Variants in DLC1 observed in about 807,000 individuals in gnomAD.
The protein encoded by DLC1 is DLC1 Rho GTPase activating protein.
In DLC1, 54 loss-of-function variants were observed where a neutral mutation model predicts 140.3. The ratio of observed to expected loss-of-function variants is 0.38; its 90% CI spans 0.31 to 0.48. DLC1 has a LOEUF of 0.48. Ranked by LOEUF, DLC1 falls within the 20% of genes least tolerant of loss-of-function variation. The pLI, the probability that DLC1 is intolerant of heterozygous loss-of-function variation, is 0.96. For missense variants in DLC1, 2,536 were observed against 1,907.0 expected, an observed-to-expected ratio of 1.33 and a Z score of -6.14; for synonymous variants, 986 against 728.1, an observed-to-expected ratio of 1.35 and a Z score of -5.70.
intron 2 of DLC1, among the ~76,000 whole-genome samples, chr8:13,487,382 T>G (rs1801016021): frequency 6.6e-6 from 1 of 152,166 alleles, no homozygotes; most frequent in Non-Finnish European, 1.5e-5. Flanking sequence ...CAATGAATTT[T>G]GTGCCCTAAA....
At chr8:13,207,119 A>G (rs1482195598) in intron 5 of DLC1, among the ~76,000 whole-genome samples, 2 of 152,214 alleles carry the variant, frequency 1.3e-5, no homozygotes, top group South Asian at 2.1e-4. Context: ...ATGTGTATTT[A>G]CTACCTATTA....
At chr8:13,295,754 T>G (rs2117479655) in intron 5 of DLC1, among the ~76,000 whole-genome samples, 1 of 152,172 alleles carries the variant, frequency 6.6e-6, no homozygotes, top group African/African-American at 2.4e-5. Flanking sequence ...TAATAGCTTG[T>G]TACATGTAAC....
intron 3 of DLC1, among the ~76,000 whole-genome samples, chr8:13,400,804 G>A (rs544003588): frequency 4.3e-4 from 66 of 151,902 alleles, no homozygotes; most frequent in African/African-American, 1.5e-3. Flanking sequence ...ACAAACTAAG[G>A]CCTTTAATAT....
intron 2 of DLC1, among the ~76,000 whole-genome samples, chr8:13,410,084 T>A (rs1837722004): frequency 6.6e-6 from 1 of 151,954 alleles, no homozygotes; most frequent in Admixed American, 6.6e-5. Flanking sequence ...ATTAACAGAT[T>A]TAAGAAAAAA....
chr8:13,521,362 T>C (rs1445451502), intron 1 of DLC1, among the ~76,000 whole-genome samples: 1 of 151,560 alleles, frequency 6.6e-6, no homozygotes, highest in Non-Finnish European at 1.5e-5. Flanking sequence ...CATTTACCTA[T>C]GTAACAAACC....
At chr8:13,558,602 A>G (rs779482297) in intron 1 of DLC1, 2 of 152,218 alleles carry the variant, frequency 1.3e-5, no homozygotes, top group South Asian at 2.1e-4. Flanking sequence ...AAAGCATGCA[A>G]TGAGACACAA....
At chr8:13,258,316 T>C (rs537695545) in intron 5 of DLC1, among the ~76,000 whole-genome samples, 87 of 152,306 alleles carry the variant, frequency 5.7e-4, no homozygotes, top group African/African-American at 1.8e-3. Flanking sequence ...AAGTAATAGA[T>C]CAACAGAATA....
upstream of DLC1, among the ~76,000 whole-genome samples, chr8:13,517,425 T>C (rs1802624737): frequency 6.6e-6 from 1 of 152,222 alleles, no homozygotes; most frequent in African/African-American, 2.4e-5. Context: ...ACACAAAAAA[T>C]ACATTATGTT....
At chr8:13,194,861 T>C (rs1426604469) in intron 5 of DLC1, among the ~76,000 whole-genome samples, 1 of 151,860 alleles carries the variant, frequency 6.6e-6, no homozygotes, top group Non-Finnish European at 1.5e-5. Context: ...TATAGGAAAA[T>C]TAGCTGGGTG....
intron 2 of DLC1, among the ~76,000 whole-genome samples, chr8:13,417,772 T>C (rs1254872112): frequency 6.6e-6 from 1 of 152,146 alleles, no homozygotes; most frequent in East Asian, 1.9e-4. Flanking sequence ...TCTAGATCCC[T>C]GAGGAATCGC....
intron 5 of DLC1, among the ~76,000 whole-genome samples, chr8:13,162,765 C>G (rs536606955): frequency 2.8e-4 from 43 of 152,196 alleles, no homozygotes; most frequent in Non-Finnish European, 5.0e-4. Flanking sequence ...CACAGTGAGA[C>G]CCCGTCTTTA....
At chr8:13,259,501 A>C (rs1039437237) in intron 5 of DLC1, among the ~76,000 whole-genome samples, 1 of 152,192 alleles carries the variant, frequency 6.6e-6, no homozygotes, top group South Asian at 2.1e-4. Flanking sequence ...CCACCTGTCT[A>C]TGGGGTGTGA....
At chr8:13,501,696 G>A (rs552984578) in intron 1 of DLC1, among the ~76,000 whole-genome samples, 1 of 152,248 alleles carries the variant, frequency 6.6e-6, no homozygotes, top group East Asian at 1.9e-4. Context: ...GCCTGACCAA[G>A]TATCTTTCTG....
chr8:13,326,292 C>G (rs1833343999), intron 4 of DLC1, among the ~76,000 whole-genome samples: 1 of 152,132 alleles, frequency 6.6e-6, no homozygotes, highest in Non-Finnish European at 1.5e-5. Flanking sequence ...GAGGATCTAG[C>G]TTTTTACTTA....
intron 4 of DLC1, among the ~76,000 whole-genome samples, chr8:13,369,833 G>A (rs1488572969): frequency 6.0e-5 from 9 of 150,854 alleles, no homozygotes; most frequent in Admixed American, 1.3e-4. Flanking sequence ...ACCCCAAGTC[G>A]GCTCTCCGAT....
chr8:13,140,238 C>A (rs533411907), intron 5 of DLC1, among the ~76,000 whole-genome samples: 2 of 152,056 alleles, frequency 1.3e-5, no homozygotes, highest in Non-Finnish European at 2.9e-5. Flanking sequence ...CTATATCTAT[C>A]TATATATTTT....
chr8:13,410,810 C>T (rs1837749282), intron 2 of DLC1, among the ~76,000 whole-genome samples: 1 of 152,122 alleles, frequency 6.6e-6, no homozygotes, highest in South Asian at 2.1e-4. Flanking sequence ...CAAGGGTAAT[C>T]ACGGTTTGTT....
intron 5 of DLC1, among the ~76,000 whole-genome samples, chr8:13,192,894 T>C (rs1448335361): frequency 6.6e-6 from 1 of 152,238 alleles, no homozygotes; most frequent in Non-Finnish European, 1.5e-5. Context: ...CTTGGACTTC[T>C]AGCCTCCAGG....
Position 13,088,503 on chromosome 8 carries a change from C to G in DLC1, c.4276G>C (p.Asp1426His), listed in dbSNP as rs780573272. Residue 1426 changes from aspartate to histidine, a missense_variant, in exon 16 of 18, where the codon GAC (aspartate) becomes CAC (histidine). Asp to His is a moderately conservative substitution (Grantham distance 81, BLOSUM62 -1). Transcript: ENST00000276297. ...QNSMAPHPAR[D>H]YVVLRTWRTN... is the part of the protein sequence containing the mutation. ...AGCGCTCACCTTAAAACAACGTAGT[C>G]TCGAGCAGGATGAGGTGCCATACTG... 1.2e-6 allele frequency: 2 copies of G among 1,614,106 alleles called. No homozygotes were observed.
Sources: allele counts gnomAD v4.1 joint callset (sites outside exome capture counted in the v4.1 genomes callset), GRCh38; gene constraint gnomAD v4.1.1; transcripts MANE v1.5; gene names NCBI Gene and HGNC (gene_info 2026-07-23, HGNC 2026-07-21).